Variants in ALX4 observed in about 807,000 individuals in gnomAD.
ALX4 encodes the protein homeobox protein aristaless-like 4.
ALX4 carries 22 observed loss-of-function variants against 40.6 expected under a neutral mutation model. The ratio of observed to expected loss-of-function variants is 0.54; its 90% CI spans 0.39 to 0.77. The LOEUF (loss-of-function observed/expected upper bound fraction) is 0.77, where lower values mean the gene tolerates loss of function less well. ALX4 is among the 30% of genes least tolerant of loss of function. The pLI, the probability that ALX4 is intolerant of heterozygous loss-of-function variation, is 0.00. For synonymous variants in ALX4, 266 were observed against 240.5 expected (o/e 1.11, Z -0.98); for missense variants, 556 against 564.8 (o/e 0.98, Z 0.16).
At chr11:44,297,124 G>A (rs748562551) in intron 1 of ALX4, among the ~76,000 whole-genome samples, 9 of 151,954 alleles carry the variant, frequency 5.9e-5, no homozygotes, top group Non-Finnish European at 1.2e-4. Flanking sequence ...CCGTTTAATA[G>A]GTATGGAGTT....
chr11:44,280,542 T>C (rs1050354536), intron 1 of ALX4, among the ~76,000 whole-genome samples: 25 of 152,206 alleles, frequency 1.6e-4, no homozygotes, highest in African/African-American at 5.5e-4. Context: ...GGAAAGGCTC[T>C]ATGCTGATGC....
intron 1 of ALX4, among the ~76,000 whole-genome samples, chr11:44,286,422 GCATT>G (rs1437628837): frequency 6.6e-6 from 1 of 152,162 alleles, no homozygotes; most frequent in African/African-American, 2.4e-5. Context: ...AGAAGGCTAA[GCATT>G]CAGGTTCCAG....
At chr11:44,287,640 G>A (rs761605934) in intron 1 of ALX4, among the ~76,000 whole-genome samples, 5 of 151,550 alleles carry the variant, frequency 3.3e-5, no homozygotes, top group Non-Finnish European at 5.9e-5. Flanking sequence ...AAACTGGTAA[G>A]AGGCAGAGCT....
At position 44,310,102 on chromosome 11, in the gene ALX4, G is replaced by A. The variant is rs551356786; in HGVS notation, c.-40C>T. Reference sequence around the variant, plus strand: ...GGCGGCGGGCGGGGACGCGAGCGAGGGCGCGAGGACGCCACCGCGCGCCTT... The same window carrying A: ...GGCGGCGGGCGGGGACGCGAGCGAGAGCGCGAGGACGCCACCGCGCGCCTT... On this transcript the variant is annotated 5_prime_UTR_variant, in exon 1 of 4. Transcript: ENST00000652299. The A allele has an allele frequency of 8.8e-5, 136 of 1,542,652 alleles. 1 individual carries two copies. The South Asian group carries it at 1.5e-3, about 17-fold the overall frequency.
chr11:44,274,538 G>GGTTGT (rs1419950730), intron 2 of ALX4, among the ~76,000 whole-genome samples: 15 of 152,024 alleles, frequency 9.9e-5, no homozygotes, highest in Non-Finnish European at 2.9e-5. Context: ...TGTTATATTG[G>GGTTGT]GTTGTGTTGT....
chr11:44,273,059 C>A (rs1418678060), intron 2 of ALX4, among the ~76,000 whole-genome samples: 2 of 152,094 alleles, frequency 1.3e-5, no homozygotes, highest in African/African-American at 4.8e-5. Context: ...TGCCTTAGAA[C>A]AATGCTGCTG....
At chr11:44,309,248 G>C (rs1956490502) in intron 1 of ALX4, among the ~76,000 whole-genome samples, 2 of 128,716 alleles carry the variant, frequency 1.6e-5, no homozygotes, top group African/African-American at 5.3e-5. Flanking sequence ...GCGCTGCGCG[G>C]AGACTCCTTG....
At chr11:44,292,942 T>C (rs142860766) in intron 1 of ALX4, among the ~76,000 whole-genome samples, 8,359 of 149,876 alleles carry the variant, frequency 0.056, 329 homozygotes, top group Non-Finnish European at 0.083. Flanking sequence ...ATAAAAAAAA[T>C]TTTTAAATTA....
At position 44,262,926 on chromosome 11, in the gene ALX4, CACTT is replaced by C. The variant is rs1436108288; in HGVS notation, c.*1924_*1927del. On this transcript the variant is annotated 3_prime_UTR_variant, in exon 4 of 4. Coordinates refer to ENST00000652299, the MANE Select transcript of ALX4 (RefSeq NM_021926.4). Reference sequence around the variant, plus strand: ...ACTCCAAATCCTCAAATATTTGAAACACTTAAAGCCAAGCCTCCAAGAACATTTA... The same window carrying C: ...ACTCCAAATCCTCAAATATTTGAAACAAAGCCAAGCCTCCAAGAACATTTA... 3.3e-5 allele frequency: 5 copies of C among 152,304 alleles called. No individual in the cohort carries two copies. Among genetic ancestry groups the C allele is most frequent in the Non-Finnish European group, 7.3e-5 (5 of 68,046 alleles). 9.4% of individuals were successfully genotyped at this position (152,304 alleles called of 1,614,324 possible).
intron 1 of ALX4, among the ~76,000 whole-genome samples, chr11:44,280,184 A>AAGGACCC (rs1956301220): frequency 6.6e-6 from 1 of 152,210 alleles, no homozygotes; most frequent in Non-Finnish European, 1.5e-5. Flanking sequence ...AGGAGAGAAG[A>AAGGACCC]AAGACCCAGA....
intron 1 of ALX4, among the ~76,000 whole-genome samples, chr11:44,290,546 C>T (rs1412194863): frequency 6.6e-6 from 1 of 152,220 alleles, no homozygotes; most frequent in African/African-American, 2.4e-5. Flanking sequence ...CCTAGCCCAG[C>T]CTTGGGGCGA....
intron 1 of ALX4, among the ~76,000 whole-genome samples, chr11:44,295,906 A>C (rs1344696255): frequency 6.6e-6 from 1 of 152,246 alleles, no homozygotes; most frequent in Non-Finnish European, 1.5e-5. Context: ...GCCAGGGCCA[A>C]GACTGTGGCT....
intron 1 of ALX4, among the ~76,000 whole-genome samples, chr11:44,280,960 G>A (rs893660748): frequency 5.9e-5 from 9 of 152,236 alleles, no homozygotes; most frequent in Admixed American, 5.9e-4. Context: ...TTCAGCTGGA[G>A]AAATGCATGA....
rs191073673 is a variant in ALX4 at position 44,304,500 on chromosome 11, C to T, written c.466+5097G>A. Among the ~76,000 whole-genome samples, 140 of 152,276 alleles carry T rather than the reference C, an allele frequency of 9.2e-4. 1 individual carries two copies. The East Asian group carries it at 0.017, about 19-fold the overall frequency. On this transcript the variant is annotated intron_variant, in intron 1 of 3. Coordinates refer to ENST00000652299, the MANE Select transcript of ALX4 (RefSeq NM_021926.4). ...GCTCACCAAGGCAGGGCGCGCCCCC[C>T]CCATGAATCATCCCAAGGCCTCTGA...
At chr11:44,292,409 G>A (rs1273326141) in intron 1 of ALX4, among the ~76,000 whole-genome samples, 4 of 139,134 alleles carry the variant, frequency 2.9e-5, no homozygotes, top group Admixed American at 7.6e-5. Flanking sequence ...TTGTAGAGAC[G>A]AGGTGTCACT....
chr11:44,265,050 G>C lies in ALX4; in HGVS notation c.1040C>G (p.Thr347Ser). The C allele has an allele frequency of 6.2e-7, 1 of 1,613,108 alleles. No homozygotes were observed. The highest frequency in any genetic ancestry group is 8.5e-7 in the Non-Finnish European group (1 of 1,179,942). Reference sequence around the variant, plus strand: ...AGCCCCAGACACACTCAGGAAGTCGGTGACGCTGCTGGCCCCAGAGCCAGG... The same window carrying C: ...AGCCCCAGACACACTCAGGAAGTCGCTGACGCTGCTGGCCCCAGAGCCAGG... Reference protein sequence around the residue: ...HPPGSGASSVTDFLSVSGAGS... With the variant: ...HPPGSGASSVSDFLSVSGAGS... Residue 347 changes from threonine to serine, a missense_variant, in exon 4 of 4, where the codon ACC becomes AGC. Transcript: ENST00000652299.
At chr11:44,283,338 A>G (rs955700570) in intron 1 of ALX4, among the ~76,000 whole-genome samples, 3 of 152,224 alleles carry the variant, frequency 2.0e-5, no homozygotes, top group African/African-American at 7.2e-5. Flanking sequence ...TCATATATAT[A>G]AAACAAAAAC....
chr11:44,309,154 T>TCCCGCAGCCCCGCTGTCCCGCAGC (rs1956487770), intron 1 of ALX4, among the ~76,000 whole-genome samples: 2 of 109,586 alleles, frequency 1.8e-5, no homozygotes, highest in Admixed American at 9.0e-5. Flanking sequence ...AGTCCTGCTG[T>TCCCGCAGCCCCGCTGTCCCGCAGC]CCCGCAGCCC....
At chr11:44,309,474 C>A in intron 1 of ALX4, 123 bp downstream of exon 1, 1 of 1,486,650 alleles carries the variant, frequency 6.7e-7, no homozygotes, top group African/African-American at 1.4e-5. Flanking sequence ...CGTTTACCGA[C>A]CAGAGTCACC....
Sources: gnomAD v4.1 joint callset for allele counts (sites outside exome capture counted in the v4.1 genomes callset) on GRCh38, gnomAD v4.1.1 for gene constraint, MANE v1.5 for transcripts, NCBI Gene and HGNC (gene_info 2026-07-23, HGNC 2026-07-21) for gene names.